Variants in PNPLA5 observed in about 807,000 individuals in gnomAD.
PNPLA5 encodes patatin like domain 5, triacylglycerol lipase, also known as patatin-like phospholipase domain-containing protein 5.
PNPLA5 carries 44 observed loss-of-function variants against 49.1 expected under a neutral mutation model. The observed-to-expected ratio is 0.90, with a 90% CI of 0.70 to 1.15. The LOEUF (loss-of-function observed/expected upper bound fraction) is 1.15, where lower values mean the gene tolerates loss of function less well. PNPLA5 is among the 50% of genes most tolerant of loss of function. PNPLA5 has a pLI of 0.00. For missense variants in PNPLA5, 603 were observed against 564.0 expected, an observed-to-expected ratio of 1.07 and a Z score of -0.70; for synonymous variants, 243 against 244.4, an observed-to-expected ratio of 0.99 and a Z score of 0.06.
chr22:43,888,852 T>C (rs932987534), intron 4 of PNPLA5, among the ~76,000 whole-genome samples: 1 of 152,184 alleles, frequency 6.6e-6, no homozygotes, highest in African/African-American at 2.4e-5. Flanking sequence ...CAATGGATGG[T>C]CAATTTGGCC....
chr22:43,890,665 CCT>C (rs2049713361), intron 2 of PNPLA5, among the ~76,000 whole-genome samples: 1 of 152,160 alleles, frequency 6.6e-6, no homozygotes, highest in South Asian at 2.1e-4. Context: ...TGTTTTGCTC[CCT>C]GTTACAGTCA....
chr22:43,881,964 G>A (rs2049615151), intron 7 of PNPLA5, among the ~76,000 whole-genome samples: 1 of 152,196 alleles, frequency 6.6e-6, no homozygotes, highest in Non-Finnish European at 1.5e-5. Context: ...GAGGGAGAGG[G>A]TGGACCTTTG....
At chr22:43,884,145 C>T (rs2049638014) in intron 7 of PNPLA5, 68 bp downstream of exon 7, 2 of 1,423,654 alleles carry the variant, frequency 1.4e-6, no homozygotes, top group African/African-American at 1.5e-5. Context: ...GCCAGCCGCC[C>T]CTCCTGCCAT....
intron 8 of PNPLA5, 95 bp downstream of exon 8, chr22:43,881,463 G>A (rs2049609561): frequency 7.9e-7 from 1 of 1,269,342 alleles, no homozygotes; most frequent in Non-Finnish European, 1.1e-6. Context: ...GCAGGCAGAT[G>A]GCATGGCCGG....
chr22:43,890,604 C>T (rs1358430546), intron 2 of PNPLA5, among the ~76,000 whole-genome samples: 1 of 152,180 alleles, frequency 6.6e-6, no homozygotes, highest in African/African-American at 2.4e-5. Context: ...ATACCGCCTG[C>T]CCCCCAGAAC....
At chr22:43,882,135 C>T (rs1457396658) in intron 7 of PNPLA5, among the ~76,000 whole-genome samples, 1 of 152,204 alleles carries the variant, frequency 6.6e-6, no homozygotes, top group Non-Finnish European at 1.5e-5. Context: ...CCAGCTAGCC[C>T]CTGCCCTCCC....
intron 6 of PNPLA5, among the ~76,000 whole-genome samples, chr22:43,885,271 G>A (rs1006704320): frequency 7.9e-5 from 12 of 152,078 alleles, no homozygotes; most frequent in Non-Finnish European, 5.9e-5. Context: ...GCACGTCCTC[G>A]TGTGGTCTCC....
At chr22:43,882,162 G>A (rs1002196095) in intron 7 of PNPLA5, among the ~76,000 whole-genome samples, 4 of 151,746 alleles carry the variant, frequency 2.6e-5, no homozygotes, top group South Asian at 2.1e-4. Context: ...ATGCCCCTTC[G>A]TCCACTCTCC....
chr22:43,885,026 C>A (rs2049648285), intron 6 of PNPLA5, among the ~76,000 whole-genome samples: 2 of 152,344 alleles, frequency 1.3e-5, no homozygotes, highest in South Asian at 4.1e-4. Flanking sequence ...CGAGTCCTAG[C>A]TTCCTTCTCC....
chr22:43,887,883 G>T, intron 4 of PNPLA5: 1 of 565,322 alleles, frequency 1.8e-6, no homozygotes, highest in Non-Finnish European at 2.2e-6. Context: ...TTCTGTCCCT[G>T]CAGGACCATT....
At chr22:43,888,769 T>C (rs2049692598) in intron 4 of PNPLA5, among the ~76,000 whole-genome samples, 1 of 152,212 alleles carries the variant, frequency 6.6e-6, no homozygotes. Flanking sequence ...TCAAATTATC[T>C]GTTTTCCAGA....
chr22:43,890,149 A>G, intron 2 of PNPLA5: 2 of 876,534 alleles, frequency 2.3e-6, no homozygotes, highest in Non-Finnish European at 2.7e-6. Context: ...AGTGGCCCAG[A>G]CTCCTTGCCT....
At chr22:43,890,261 T>A (rs748646250) in intron 2 of PNPLA5, among the ~76,000 whole-genome samples, 1 of 152,188 alleles carries the variant, frequency 6.6e-6, no homozygotes, top group Non-Finnish European at 1.5e-5. Flanking sequence ...CACCTGCATC[T>A]CCATCTGGTC....
chr22:43,882,154 G>C (rs1603412211), intron 7 of PNPLA5, among the ~76,000 whole-genome samples: 2 of 152,088 alleles, frequency 1.3e-5, no homozygotes, highest in Non-Finnish European at 2.9e-5. Context: ...CCTACCCCAT[G>C]CCCCTTCGTC....
rs754122919 is a variant in PNPLA5 at position 43,889,316 on chromosome 22, G to A, written c.702+13C>T. 1 of 1,613,142 alleles carries A rather than the reference G, an allele frequency of 6.2e-7. No homozygotes were observed. Among genetic ancestry groups the A allele is most frequent in the East Asian group, 2.2e-5 (1 of 44,870 alleles). ...TGGCCAAGCCTCTAACACCATCACA[G>A]GGCCAGACCTACCTCGAGGCTGGGG... On this transcript the variant is annotated intron_variant, in intron 4 of 8. Transcript: ENST00000216177.
Position 43,891,896 on chromosome 22 carries a change from CG to C in PNPLA5, c.-17del. The C allele has an allele frequency of 6.6e-7, 1 of 1,505,086 alleles. No individual in the cohort carries two copies. Among genetic ancestry groups the C allele is most frequent in the Non-Finnish European group, 8.8e-7 (1 of 1,134,168 alleles). The allele number at this position is 1,505,086 out of a possible 1,614,324, so 93.2% of individuals were successfully genotyped here. ...AGAAGCCCATGGCGGGTGGACCGGG[CG>C]GGGTGATCGGGACGAGGAAGGGTCA... On this transcript the variant is annotated 5_prime_UTR_variant, in exon 1 of 9. Coordinates refer to ENST00000216177, the MANE Select transcript of PNPLA5 (RefSeq NM_138814.4).
In PNPLA5 at chr22:43,889,348, A is replaced by G; in HGVS notation, c.683T>C (p.Leu228Pro). 1.2e-6 allele frequency: 2 copies of G among 1,613,930 alleles called. No homozygotes were observed. Among genetic ancestry groups the G allele is most frequent in the Non-Finnish European group, 1.7e-6 (2 of 1,180,010 alleles). Residue 228 changes from leucine (L) to proline (P), a missense_variant, in exon 4 of 9, where the codon CTC (leucine) becomes CCC (proline). By Grantham distance (98) the Leu-to-Pro change is moderately conservative. Transcript: ENST00000216177. Reference sequence around the variant, plus strand: ...ACCTACCTCGAGGCTGGGGGGTATGAGACATATGAGCCCCAGGAAGAAGTT... The same window carrying G: ...ACCTACCTCGAGGCTGGGGGGTATGGGACATATGAGCCCCAGGAAGAAGTT... ...TENFFLGLIC[L>P]IPPSLEVVAD...
chr22:43,891,584 G>T, intron 1 of PNPLA5, 104 bp downstream of exon 1: 2 of 1,379,964 alleles, frequency 1.4e-6, no homozygotes, highest in African/African-American at 1.5e-5. Flanking sequence ...CTGTGCCGGG[G>T]GTAGAGGGCG....
Position 43,884,329 on chromosome 22 carries a change from A to G in PNPLA5, c.966T>C (p.Cys322=). The change falls in exon 7 of 9, where the codon TGT becomes TGC. Residue 322 remains cysteine, a synonymous_variant. Coordinates refer to ENST00000216177, the MANE Select transcript of PNPLA5 (RefSeq NM_138814.4). ...GGGCCCACCGGCTGGGATCCCTCGT[A>G]CATGCTTTCTTCAGTGCTGCAAGAG... The part of the protein sequence containing the change: ...PELEAALKKA[C]TRDPSRWARF... 6.3e-7 allele frequency: 1 copy of G among 1,586,654 alleles called. No homozygotes were observed. Among genetic ancestry groups the G allele is most frequent in the Non-Finnish European group, 8.6e-7 (1 of 1,166,376 alleles).
Sources: allele counts gnomAD v4.1 joint callset (sites outside exome capture counted in the v4.1 genomes callset), GRCh38; gene constraint gnomAD v4.1.1; transcripts MANE v1.5; gene names NCBI Gene and HGNC (gene_info 2026-07-23, HGNC 2026-07-21).